The following NFIB variants were observed in gnomAD, a reference collection of about 807,000 sequenced individuals.
NFIB encodes nuclear factor I B, also known as nuclear factor 1 B-type.
In NFIB, 11 loss-of-function variants were observed where a neutral mutation model predicts 61.5. The ratio of observed to expected loss-of-function variants is 0.18; its 90% CI spans 0.11 to 0.30. The LOEUF (loss-of-function observed/expected upper bound fraction) is 0.30. NFIB is among the 10% of genes least tolerant of loss of function. The pLI, the probability that NFIB is intolerant of heterozygous loss-of-function variation, is 1.00. For missense variants in NFIB, 471 were observed against 608.9 expected, an observed-to-expected ratio of 0.77 and a Z score of 2.38; for synonymous variants, 260 against 216.5, an observed-to-expected ratio of 1.20 and a Z score of -1.76.
intron 2 of NFIB, among the ~76,000 whole-genome samples, chr9:14,206,415 T>C (rs2049723745): frequency 6.6e-6 from 1 of 152,026 alleles, no homozygotes; most frequent in Non-Finnish European, 1.5e-5. Flanking sequence ...GCAATCTTCC[T>C]GCCTCGGCCT....
intron 10 of NFIB, among the ~76,000 whole-genome samples, chr9:14,091,902 T>G (rs1439129057): frequency 6.6e-6 from 1 of 152,108 alleles, no homozygotes; most frequent in African/African-American, 2.4e-5. Flanking sequence ...GATAGTTCAT[T>G]ATAAAATGAA....
intron 2 of NFIB, among the ~76,000 whole-genome samples, chr9:14,195,030 A>T (rs982305428): frequency 6.6e-6 from 1 of 152,136 alleles, no homozygotes; most frequent in Admixed American, 6.5e-5. Flanking sequence ...CTGACCCTGG[A>T]AGGAAATCCT....
chr9:14,484,731 G>A, the NFIB span, among the ~76,000 whole-genome samples: 34 of 152,216 alleles, frequency 2.2e-4, no homozygotes, highest in Non-Finnish European at 4.0e-4. Context: ...TCTGCAATAC[G>A]CCAGACTCCA....
chr9:14,185,994 T>C (rs1339237640), intron 2 of NFIB, among the ~76,000 whole-genome samples: 1 of 152,224 alleles, frequency 6.6e-6, no homozygotes, highest in Non-Finnish European at 1.5e-5. Flanking sequence ...ATGACCTTTA[T>C]AGATAAACTT....
At chr9:14,429,112 C>T in the NFIB span, among the ~76,000 whole-genome samples, 1 of 152,128 alleles carries the variant, frequency 6.6e-6, no homozygotes, top group African/African-American at 2.4e-5. Flanking sequence ...AAGACATGCA[C>T]GTCTTACAGC....
rs73413807 is a variant in NFIB, at chr9:14,186,646, C to G, written c.563-6866G>C. On this transcript the variant is annotated intron_variant, in intron 2 of 10. Transcript: ENST00000380953. ...GCCAAACCTTCTTCTCTCTTCCCCT[C>G]TCTCTGCCCAAAGTTTTCTACCTCA... Among the ~76,000 whole-genome samples, 318 of 152,158 alleles carry G rather than the reference C, an allele frequency of 2.1e-3. 2 individuals carry two copies. Among genetic ancestry groups the G allele is most frequent in the African/African-American group, 7.1e-3 (295 of 41,536 alleles).
chr9:14,317,737 C>A (rs2060574103), upstream of NFIB, among the ~76,000 whole-genome samples: 1 of 152,132 alleles, frequency 6.6e-6, no homozygotes, highest in Non-Finnish European at 1.5e-5. Context: ...TGGAAGAACT[C>A]TAGGGAGTTG....
chr9:14,097,107 T>C (rs1021580417), intron 10 of NFIB, among the ~76,000 whole-genome samples: 7 of 152,212 alleles, frequency 4.6e-5, no homozygotes, highest in African/African-American at 7.2e-5. Context: ...GTAATGTTTT[T>C]ATTTTTGATT....
chr9:14,170,401 G>A (rs982040985), intron 3 of NFIB, among the ~76,000 whole-genome samples: 2 of 152,110 alleles, frequency 1.3e-5, no homozygotes, highest in Non-Finnish European at 2.9e-5. Context: ...CAACACTTTG[G>A]GAGGCTGAGG....
At chr9:14,317,812 G>C (rs1302412147), upstream of NFIB, among the ~76,000 whole-genome samples, 3 of 152,158 alleles carry the variant, frequency 2.0e-5, no homozygotes, top group Non-Finnish European at 1.5e-5. Flanking sequence ...CACAACACTT[G>C]TCCACCACCT....
chr9:14,283,249 G>T (rs1368412463), intron 2 of NFIB, among the ~76,000 whole-genome samples: 2 of 152,172 alleles, frequency 1.3e-5, no homozygotes, highest in Non-Finnish European at 2.9e-5. Flanking sequence ...CTTGGGGAAT[G>T]ACTCGCATCA....
the NFIB span, among the ~76,000 whole-genome samples, chr9:14,518,121 A>G: frequency 6.6e-6 from 1 of 152,254 alleles, no homozygotes; most frequent in African/African-American, 2.4e-5. Context: ...TGCAGTGTTG[A>G]TAAGAAACGT....
intron 1 of NFIB, among the ~76,000 whole-genome samples, chr9:14,328,629 AATAT>A: frequency 6.6e-6 from 1 of 150,982 alleles, no homozygotes; most frequent in South Asian, 2.1e-4. Flanking sequence ...GCTTATATGT[AATAT>A]ATATATATAT....
chr9:14,251,670 G>A (rs982117184), intron 2 of NFIB, among the ~76,000 whole-genome samples: 18 of 152,192 alleles, frequency 1.2e-4, no homozygotes, highest in Admixed American at 2.0e-4. Context: ...CGGCCGAGGG[G>A]CCACTGGAGC....
chr9:14,264,573 G>T (rs1032084132), intron 2 of NFIB, among the ~76,000 whole-genome samples: 1 of 152,072 alleles, frequency 6.6e-6, no homozygotes, highest in African/African-American at 2.4e-5. Flanking sequence ...ATCTATCTGA[G>T]GATTACCCAG....
intron 2 of NFIB, among the ~76,000 whole-genome samples, chr9:14,208,860 CT>C (rs1249300812): frequency 2.0e-5 from 3 of 152,074 alleles, no homozygotes; most frequent in South Asian, 2.1e-4. Flanking sequence ...TTCACTCAGT[CT>C]TTTTTTTAAG....
chr9:14,361,588 A>G lies in NFIB; in HGVS notation c.108+36936T>C, dbSNP rs565488194. On this transcript the variant is annotated intron_variant, in intron 1 of 8. Coordinates refer to the NFIB transcript ENST00000380934. ...TAATGACATATAGCATACATTAGTC[A>G]AGCAATTGTATTAATTCAAGTCTAC... 5 of 152,348 alleles carry G rather than the reference A, an allele frequency of 3.3e-5. No homozygotes were observed. The South Asian group carries it at 1.0e-3, about 32-fold the overall frequency. 9.4% of individuals were successfully genotyped at this position (152,348 alleles called of 1,614,324 possible). A position where few individuals can be genotyped will look rare whatever the true frequency, so the allele number is the denominator to read the frequency against.
chr9:14,131,357 A>G (rs1402762787), intron 6 of NFIB, among the ~76,000 whole-genome samples: 1 of 152,202 alleles, frequency 6.6e-6, no homozygotes, highest in Non-Finnish European at 1.5e-5. Flanking sequence ...TGACCATACT[A>G]TATATATTTT....
At chr9:14,381,770 A>G (rs2061491811) in intron 1 of NFIB, among the ~76,000 whole-genome samples, 1 of 152,252 alleles carries the variant, frequency 6.6e-6, no homozygotes, top group South Asian at 2.1e-4. Flanking sequence ...ACCCAGTGGA[A>G]ATTCACGTTT....
Sources: gnomAD v4.1 joint callset for allele counts (sites outside exome capture counted in the v4.1 genomes callset) on GRCh38, gnomAD v4.1.1 for gene constraint, MANE v1.5 for transcripts, NCBI Gene and HGNC (gene_info 2026-07-23, HGNC 2026-07-21) for gene names.